Variants in PTBP3 observed in about 807,000 individuals in gnomAD.
The protein encoded by PTBP3 is polypyrimidine tract binding protein 3.
In PTBP3, 20 loss-of-function variants were observed where a neutral mutation model predicts 58.7. That is an observed-to-expected ratio of 0.34 (90% CI 0.24 to 0.50). PTBP3 has a LOEUF of 0.50. Ranked by LOEUF, PTBP3 falls within the 20% of genes least tolerant of loss-of-function variation. The pLI is 0.98. For missense variants in PTBP3, 509 were observed against 637.2 expected (o/e 0.80, Z 2.17); for synonymous variants, 185 against 219.8 (o/e 0.84, Z 1.40).
intron 1 of PTBP3, among the ~76,000 whole-genome samples, chr9:112,330,019 T>A (rs1229181141): frequency 3.3e-5 from 5 of 151,912 alleles, no homozygotes; most frequent in African/African-American, 9.7e-5. Context: ...CTAATTTTTT[T>A]ATTTTTATTT....
At chr9:112,274,971 C>T (rs747352501) in intron 3 of PTBP3, among the ~76,000 whole-genome samples, 3 of 152,308 alleles carry the variant, frequency 2.0e-5, no homozygotes, top group Non-Finnish European at 2.9e-5. Context: ...ACAATTGTCA[C>T]TTCCTTGTTC....
chr9:112,300,570 G>C (rs978296496), intron 1 of PTBP3, among the ~76,000 whole-genome samples: 76 of 152,010 alleles, frequency 5.0e-4, no homozygotes, highest in African/African-American at 1.7e-3. Context: ...GGCTAACATG[G>C]TGAAACCCCG....
Position 112,252,570 on chromosome 9 carries a change from T to C in PTBP3, c.627+108A>G, listed in dbSNP as rs1025478484. 23 of 769,168 alleles carry C rather than the reference T, an allele frequency of 3.0e-5. No homozygotes were observed. In the Admixed American group the frequency reaches 4.3e-4, roughly 14 times the overall value. 47.6% of individuals were successfully genotyped at this position (769,168 alleles called of 1,614,324 possible). A position where few individuals can be genotyped will look rare whatever the true frequency, so the allele number is the denominator to read the frequency against. On this transcript the variant is annotated intron_variant, in intron 6 of 13. Coordinates refer to ENST00000374257, the MANE Select transcript of PTBP3 (RefSeq NM_001163788.4). ...TTTAAAACGACTAAAATGGTAAACA[T>C]GTATATTTTGCCACAATTTTTTTAA...
intron 2 of PTBP3, among the ~76,000 whole-genome samples, chr9:112,277,929 AAC>A (rs879918529): frequency 0.021 from 2,550 of 122,770 alleles, 28 homozygotes; most frequent in African/African-American, 0.032. Context: ...AACATAACAT[AAC>A]ATAACATAAC....
At position 112,333,562 on chromosome 9, in the gene PTBP3, G is replaced by A; in HGVS notation, c.-144C>T. On this transcript the variant is annotated 5_prime_UTR_variant, in exon 1 of 14. Coordinates refer to ENST00000374257, the MANE Select transcript of PTBP3 (RefSeq NM_001163788.4). ...CAGGCGGCGGCAGCAGGGCGGTTCCGGGGACAAGCGAGCTTTGGCTCTGCG... is the reference window on the plus strand; with the variant it reads ...CAGGCGGCGGCAGCAGGGCGGTTCCAGGGACAAGCGAGCTTTGGCTCTGCG... 1 of 1,496,622 alleles carries A rather than the reference G, an allele frequency of 6.7e-7. No homozygotes were observed. Among genetic ancestry groups the A allele is most frequent in the Non-Finnish European group, 9.1e-7 (1 of 1,094,468 alleles). The allele number at this position is 1,496,622 out of a possible 1,614,324, so 92.7% of individuals were successfully genotyped here. A position where few individuals can be genotyped will look rare whatever the true frequency, so the allele number is the denominator to read the frequency against.
intron 2 of PTBP3, among the ~76,000 whole-genome samples, chr9:112,296,033 GT>G (rs1429420840): frequency 6.6e-6 from 1 of 152,144 alleles, no homozygotes; most frequent in Non-Finnish European, 1.5e-5. Flanking sequence ...TTTTGCAATG[GT>G]TTTTTAGCTC....
At chr9:112,311,452 C>T (rs1320582924) in intron 1 of PTBP3, among the ~76,000 whole-genome samples, 1 of 152,048 alleles carries the variant, frequency 6.6e-6, no homozygotes. Flanking sequence ...ATACAGTTGA[C>T]CCTGAACAAC....
chr9:112,268,729 A>AT, intron 3 of PTBP3, among the ~76,000 whole-genome samples: 5 of 149,448 alleles, frequency 3.3e-5, no homozygotes, highest in African/African-American at 9.8e-5. Flanking sequence ...AAAAAAAAAA[A>AT]AAAAAAGGAT....
the PTBP3 span, among the ~76,000 whole-genome samples, chr9:112,365,880 T>C: frequency 6.6e-6 from 1 of 152,156 alleles, no homozygotes. Flanking sequence ...GTGACTTGGG[T>C]GCTGTTACAG....
At chr9:112,353,902 G>C in the PTBP3 span, among the ~76,000 whole-genome samples, 1 of 151,946 alleles carries the variant, frequency 6.6e-6, no homozygotes, top group Non-Finnish European at 1.5e-5. Flanking sequence ...AGGTTTTAGT[G>C]AGCCAAGATC....
In PTBP3 at chr9:112,228,478, TAAAAC is replaced by T. The variant is rs745637694; in HGVS notation, c.1055-11_1055-7del. 82 of 1,552,206 alleles carry T rather than the reference TAAAAC, an allele frequency of 5.3e-5. No homozygotes were observed. The highest frequency in any genetic ancestry group is 5.1e-4 in the African/African-American group (37 of 72,432). On this transcript the variant is annotated splice_polypyrimidine_tract_variant and splice_region_variant and intron_variant, in intron 10 of 13. Coordinates refer to ENST00000374257, the MANE Select transcript of PTBP3 (RefSeq NM_001163788.4). ...ATGTACATCACCATAGACTCCTAAT[TAAAAC>T]AAAACAAAACACTGTGTTTAACGTC...
intron 1 of PTBP3, among the ~76,000 whole-genome samples, chr9:112,298,304 G>A (rs1362326575): frequency 1.3e-5 from 2 of 152,056 alleles, no homozygotes. Context: ...CAATACCAAC[G>A]TATTTTTTTA....
intron 9 of PTBP3, 139 bp downstream of exon 9, chr9:112,231,959 GA>G (rs1156332341): frequency 0.014 from 5,214 of 363,910 alleles, 43 homozygotes; most frequent in African/African-American, 0.036. Context: ...GAAGAGAAGA[GA>G]AGAGAAGAGA....
intron 2 of PTBP3, among the ~76,000 whole-genome samples, chr9:112,287,262 G>A (rs1261279345): frequency 6.1e-5 from 9 of 147,060 alleles, no homozygotes; most frequent in African/African-American, 2.2e-4. Context: ...AGCAACTTCA[G>A]TTATACATAT....
intron 1 of PTBP3, among the ~76,000 whole-genome samples, chr9:112,331,120 CACACACGA>C (rs1026296357): frequency 4.6e-5 from 7 of 151,028 alleles, no homozygotes; most frequent in African/African-American, 1.5e-4. Context: ...CACACACACA[CACACACGA>C]GAGACAGTTG....
At chr9:112,230,951 C>T (rs1771637566) in intron 10 of PTBP3, among the ~76,000 whole-genome samples, 1 of 151,030 alleles carries the variant, frequency 6.6e-6, no homozygotes, top group African/African-American at 2.5e-5. Flanking sequence ...CAGCTCTTCA[C>T]GATTTTGACC....
In PTBP3 at chr9:112,218,812, T is replaced by C. The variant is rs1215780527; in HGVS notation, c.*5039A>G. The C allele has an allele frequency of 6.6e-6, 1 of 152,638 alleles. No homozygotes were observed. The highest frequency in any genetic ancestry group is 1.5e-5 in the Non-Finnish European group (1 of 68,034). The allele number at this position is 152,638 out of a possible 1,614,324, so 9.5% of individuals were successfully genotyped here. ...TTGTTCCCAAAAACCTTTTTTTCTT[T>C]TTTGGCCTTGTTAAAAAAAATGTTG... On this transcript the variant is annotated 3_prime_UTR_variant, in exon 14 of 14. Coordinates refer to ENST00000374257, the MANE Select transcript of PTBP3 (RefSeq NM_001163788.4).
At chr9:112,246,211 G>C (rs763083530) in intron 7 of PTBP3, among the ~76,000 whole-genome samples, 1 of 151,592 alleles carries the variant, frequency 6.6e-6, no homozygotes, top group South Asian at 2.1e-4. Context: ...TTGAACTCCC[G>C]ACCTCAATTG....
chr9:112,333,979 C>G (rs1385298185), upstream of PTBP3, among the ~76,000 whole-genome samples: 2 of 151,360 alleles, frequency 1.3e-5, no homozygotes, highest in East Asian at 3.9e-4. Context: ...GCTTCGCAGA[C>G]CGGGCCTGCC....
Sources: gnomAD v4.1 joint callset for allele counts (sites outside exome capture counted in the v4.1 genomes callset) on GRCh38, gnomAD v4.1.1 for gene constraint, MANE v1.5 for transcripts, NCBI Gene and HGNC (gene_info 2026-07-23, HGNC 2026-07-21) for gene names.